Variants in REG4 observed in about 807,000 individuals in gnomAD.
REG4 encodes regenerating islet-derived protein 4.
REG4 carries 16 observed loss-of-function variants against 22.3 expected under a neutral mutation model. The observed-to-expected ratio is 0.72, with a 90% confidence interval of 0.49 to 1.09. The LOEUF (loss-of-function observed/expected upper bound fraction) is 1.09. Ranked by LOEUF, REG4 falls within the 50% of genes least tolerant of loss-of-function variation. The probability of loss-of-function intolerance (pLI) is 0.00; values close to 1 mark genes in which losing one functional copy is unlikely to be tolerated. For missense variants in REG4, 214 were observed against 193.9 expected (o/e 1.10, Z -0.61); for synonymous variants, 71 against 69.2 (o/e 1.03, Z -0.13).
intron 2 of REG4, among the ~76,000 whole-genome samples, chr1:119,803,811 G>A (rs1654202802): frequency 6.6e-6 from 1 of 152,154 alleles, no homozygotes; most frequent in Admixed American, 6.5e-5. Flanking sequence ...GAGCATAGGT[G>A]GGCTATGTGT....
At chr1:119,802,972 AG>A (rs1178455047) in intron 3 of REG4, 95 bp downstream of exon 3, 1 of 1,582,610 alleles carries the variant, frequency 6.3e-7, no homozygotes, top group Admixed American at 1.8e-5. Context: ...CATAGTGCCC[AG>A]GAAGGACACT....
chr1:119,810,489 G>A (rs1654461595), intron 1 of REG4, among the ~76,000 whole-genome samples: 1 of 152,162 alleles, frequency 6.6e-6, no homozygotes, highest in Non-Finnish European at 1.5e-5. Flanking sequence ...CATTAACTGA[G>A]AATGAGACAA....
Position 119,803,130 on chromosome 1 carries a change from A to G in REG4, c.103T>C (p.Phe35Leu). ...CCATAGCAATTGGACTTGTGGTAAAACCATCCAGGAGCACAGCTGGGTCTC... is the reference window on the plus strand; with the variant it reads ...CCATAGCAATTGGACTTGTGGTAAAGCCATCCAGGAGCACAGCTGGGTCTC... ...IMRPSCAPGW[F>L]YHKSNCYGYF... The change falls in exon 3 of 6, where the codon TTT becomes CTT. Residue 35 changes from phenylalanine (F) to leucine (L), a missense_variant. Phe to Leu is a conservative substitution (Grantham distance 22, BLOSUM62 0). Transcript: ENST00000256585. The G allele has an allele frequency of 6.5e-7, 1 of 1,533,444 alleles. No individual in the cohort carries two copies. Among genetic ancestry groups the G allele is most frequent in the Non-Finnish European group, 8.7e-7 (1 of 1,143,302 alleles). The allele number at this position is 1,533,444 out of a possible 1,614,324, so 95.0% of individuals were successfully genotyped here. A position where few individuals can be genotyped will look rare whatever the true frequency, so the allele number is the denominator to read the frequency against.
chr1:119,807,554 C>A (rs587715761), intron 2 of REG4, among the ~76,000 whole-genome samples: 4 of 152,290 alleles, frequency 2.6e-5, no homozygotes, highest in Non-Finnish European at 5.9e-5. Context: ...TGGCAGGGAA[C>A]CACCTGGCCA....
Position 119,803,096 on chromosome 1 carries a change from C to T in REG4, c.137G>A (p.Arg46Lys). Residue 46 changes from arginine to lysine, a missense_variant, in exon 3 of 6, where the codon AGG (arginine) becomes AAG (lysine). Coordinates refer to ENST00000256585, the MANE Select transcript of REG4 (RefSeq NM_032044.4). ...YHKSNCYGYF[R>K]KLRNWSDAEL... is the part of the protein sequence containing the mutation. ...GGCATCAGACCAGTTCCTCAGCTTC[C>T]TGAAGTAACCATAGCAATTGGACTT... is the stretch of plus-strand genomic sequence containing the variant. 2 of 1,575,386 alleles carry T rather than the reference C, an allele frequency of 1.3e-6. No homozygotes were observed. The highest frequency in any genetic ancestry group is 1.7e-6 in the Non-Finnish European group (2 of 1,163,702).
chr1:119,810,314 T>G (rs1478086630), intron 1 of REG4, among the ~76,000 whole-genome samples: 1 of 152,216 alleles, frequency 6.6e-6, no homozygotes, highest in Non-Finnish European at 1.5e-5. Flanking sequence ...CAAATAATTC[T>G]TAAAATGAGT....
Position 119,803,055 on chromosome 1 carries a change from G to A in REG4, c.165+13C>T, listed in dbSNP as rs1467010411. On this transcript the variant is annotated intron_variant, in intron 3 of 5. Coordinates refer to ENST00000256585, the MANE Select transcript of REG4 (RefSeq NM_032044.4). ...CTAGAAAGGCCAGGCCAAGCAGGCA[G>A]CAAGTTTCTTACCTCGGCATCAGAC... 1 of 1,608,822 alleles carries A rather than the reference G, an allele frequency of 6.2e-7. No homozygotes were observed. Among genetic ancestry groups the A allele is most frequent in the Non-Finnish European group, 8.5e-7 (1 of 1,177,910 alleles).
chr1:119,796,583 G>GT (rs1456262294), intron 5 of REG4, among the ~76,000 whole-genome samples: 1 of 152,214 alleles, frequency 6.6e-6, no homozygotes, highest in Non-Finnish European at 1.5e-5. Context: ...TAGAAACTGA[G>GT]TGGGGAGCAA....
At chr1:119,794,859 G>T (rs760812385) in intron 5 of REG4, among the ~76,000 whole-genome samples, 174 bp from the exon 6 acceptor site, 8 of 152,196 alleles carry the variant, frequency 5.3e-5, no homozygotes, top group Non-Finnish European at 1.2e-4. Context: ...GTGTTTTTTA[G>T]CTGTGATTAA....
At chr1:119,807,409 C>T (rs10923907) in intron 2 of REG4, among the ~76,000 whole-genome samples, 8,136 of 152,254 alleles carry the variant, frequency 0.053, 713 homozygotes, top group African/African-American at 0.18. Flanking sequence ...GTCTGCATCT[C>T]CTCCTCAGGA....
At chr1:119,799,105 T>C (rs1349354057) in intron 4 of REG4, among the ~76,000 whole-genome samples, 1 of 152,126 alleles carries the variant, frequency 6.6e-6, no homozygotes, top group Non-Finnish European at 1.5e-5. Context: ...GCAGGAAGTA[T>C]GGGGCTTCCC....
At chr1:119,794,726 A>AG in intron 5 of REG4, 41 bp from the exon 6 acceptor site, 6 of 1,543,598 alleles carry the variant, frequency 3.9e-6, no homozygotes, top group Non-Finnish European at 5.4e-6. Context: ...ATTCAGTACT[A>AG]TACTGAGCTT....
At chr1:119,802,212 T>C (rs1654131321) in intron 3 of REG4, 1 of 459,664 alleles carries the variant, frequency 2.2e-6, no homozygotes, top group Non-Finnish European at 2.9e-6. Context: ...CTGTGTCAGT[T>C]ACTCTCAGTG....
Position 119,802,440 on chromosome 1 carries a change from G to A in REG4, c.165+628C>T, listed in dbSNP as rs1391881702. ...ATACAGGGATTGTAAGACCGCATAG[G>A]CCCAGATCATGCCAAATGTACCTAT... is the stretch of plus-strand genomic sequence containing the variant. On this transcript the variant is annotated intron_variant, in intron 3 of 5. Coordinates refer to ENST00000256585, the MANE Select transcript of REG4 (RefSeq NM_032044.4). The A allele has an allele frequency of 6.0e-6, 6 of 998,054 alleles. No homozygotes were observed. In the African/African-American group the frequency reaches 6.9e-5, roughly 12 times the overall value. The allele number at this position is 998,054 out of a possible 1,614,324, so 61.8% of individuals were successfully genotyped here.
At chr1:119,810,505 G>A (rs1198755692) in intron 1 of REG4, among the ~76,000 whole-genome samples, 2 of 152,140 alleles carry the variant, frequency 1.3e-5, no homozygotes, top group Admixed American at 1.3e-4. Flanking sequence ...GACAAAGCTT[G>A]GAGAGTGTGG....
At chr1:119,796,721 G>A (rs17024265) in intron 5 of REG4, among the ~76,000 whole-genome samples, 1 of 152,140 alleles carries the variant, frequency 6.6e-6, no homozygotes, top group East Asian at 1.9e-4. Flanking sequence ...ACAGCCACGA[G>A]CTGGGTAAGT....
chr1:119,799,646 G>A, intron 4 of REG4, 79 bp downstream of exon 4: 1 of 1,552,192 alleles, frequency 6.4e-7, no homozygotes, highest in Non-Finnish European at 8.8e-7. Flanking sequence ...CCTTGTTATA[G>A]GCCGGGAGGC....
At chr1:119,806,502 A>G (rs1472524516) in intron 2 of REG4, among the ~76,000 whole-genome samples, 1 of 152,176 alleles carries the variant, frequency 6.6e-6, no homozygotes, top group Non-Finnish European at 1.5e-5. Context: ...TAAATCCTAC[A>G]TGGGTCAAGC....
At position 119,803,114 on chromosome 1, in the gene REG4, T is replaced by C. The variant is rs1270145050; in HGVS notation, c.119A>G (p.Asn40Ser). The C allele has an allele frequency of 3.2e-6, 5 of 1,551,176 alleles. No homozygotes were observed. Among genetic ancestry groups the C allele is most frequent in the African/African-American group, 2.8e-5 (2 of 72,672 alleles). ...CAPGWFYHKS[N>S]CYGYFRKLRN... ...CAGCTTCCTGAAGTAACCATAGCAA[T>C]TGGACTTGTGGTAAAACCATCCAGG... Residue 40 changes from asparagine to serine, a missense_variant, in exon 3 of 6, where the codon AAT (asparagine) becomes AGT (serine). Transcript: ENST00000256585.
Sources: gnomAD v4.1 joint callset for allele counts (sites outside exome capture counted in the v4.1 genomes callset) on GRCh38, gnomAD v4.1.1 for gene constraint, MANE v1.5 for transcripts, NCBI Gene and HGNC (gene_info 2026-07-23, HGNC 2026-07-21) for gene names.